Variants in NPEPPS observed in about 807,000 individuals in gnomAD.
The protein encoded by NPEPPS is puromycin-sensitive aminopeptidase.
A neutral mutation model predicts 115.5 loss-of-function variants in NPEPPS; 14 were observed. That is an observed-to-expected ratio of 0.12 (90% confidence interval 0.08 to 0.19). The LOEUF is 0.19. Among genes scored for constraint, NPEPPS ranks in the 10% least tolerant of loss-of-function variants. NPEPPS has a pLI of 1.00. For missense variants in NPEPPS, 523 were observed against 1,110.8 expected, an observed-to-expected ratio of 0.47 and a Z score of 7.52; for synonymous variants, 285 against 390.6, an observed-to-expected ratio of 0.73 and a Z score of 3.19.
intron 2 of NPEPPS, among the ~76,000 whole-genome samples, chr17:47,563,977 A>G: frequency 6.6e-6 from 1 of 151,934 alleles, no homozygotes; most frequent in Middle Eastern, 3.2e-3. Context: ...TCTGTTGCCC[A>G]GACTGAGTGC....
chr17:47,571,554 TAA>T (rs1911194592), intron 3 of NPEPPS, among the ~76,000 whole-genome samples: 1 of 151,954 alleles, frequency 6.6e-6, no homozygotes, highest in Non-Finnish European at 1.5e-5. Context: ...CTGTCTCTAC[TAA>T]AAATACAAAA....
chr17:47,582,972 ATTAG>A (rs1476394161), intron 5 of NPEPPS, 123 bp downstream of exon 5: 1 of 507,092 alleles, frequency 2.0e-6, no homozygotes. Context: ...GAACATAAAT[ATTAG>A]TTTTCTTTAT....
intron 1 of NPEPPS, among the ~76,000 whole-genome samples, chr17:47,538,202 C>CTTTTTTTTTTTTTTTTTTTTTTTTTT (rs543559258): frequency 6.8e-5 from 4 of 58,498 alleles, no homozygotes; most frequent in Admixed American, 2.6e-4. Context: ...CATATCTGTT[C>CTTTTTTTTTTTTTTTTTTTTTTTTTT]TTTTTTTTTT....
In NPEPPS at chr17:47,604,065, T is replaced by A. The variant is rs112679866; in HGVS notation, c.1875+16T>A. ...CTTCTCCTTGGTGAGCATCTGTGAC[T>A]TAAGTAATATGATGGATTTTGCTGA... On this transcript the variant is annotated intron_variant, in intron 16 of 22. Coordinates refer to ENST00000322157, the MANE Select transcript of NPEPPS (RefSeq NM_006310.4). 9 of 1,598,750 alleles carry A rather than the reference T, an allele frequency of 5.6e-6. No homozygotes were observed. In the African/African-American group the frequency reaches 9.4e-5, roughly 17 times the overall value.
At chr17:47,571,139 C>T (rs1911167222) in intron 3 of NPEPPS, among the ~76,000 whole-genome samples, 1 of 151,774 alleles carries the variant, frequency 6.6e-6, no homozygotes, top group African/African-American at 2.4e-5. Flanking sequence ...AATTCTTCAC[C>T]CTGTAAAGTG....
At chr17:47,620,021 T>C in intron 22 of NPEPPS, 1 of 391,240 alleles carries the variant, frequency 2.6e-6, no homozygotes, top group Non-Finnish European at 4.7e-6. Context: ...TCACCTGAGG[T>C]CAGGACTTCA....
At chr17:47,578,411 C>T (rs1407247947) in intron 3 of NPEPPS, among the ~76,000 whole-genome samples, 2 of 151,864 alleles carry the variant, frequency 1.3e-5, no homozygotes, top group Non-Finnish European at 2.9e-5. Flanking sequence ...AAATGGTCAA[C>T]TAAAAAGTCA....
At chr17:47,582,349 G>T (rs1221947165) in intron 4 of NPEPPS, 6 of 214,272 alleles carry the variant, frequency 2.8e-5, no homozygotes, top group Non-Finnish European at 5.7e-5. Context: ...AAAAATAAAA[G>T]CCAGAGAGGC....
chr17:47,601,301 A>G (rs1042022900), intron 14 of NPEPPS, among the ~76,000 whole-genome samples: 2 of 152,062 alleles, frequency 1.3e-5, no homozygotes, highest in African/African-American at 4.8e-5. Context: ...TTACTTTAAC[A>G]GTAAAATTGC....
rs372808255 is a variant in NPEPPS at position 47,569,424 on chromosome 17, T to C, written c.348T>C (p.His116=). 1.1e-4 allele frequency: 162 copies of C among 1,539,864 alleles called. No homozygotes were observed. The African/African-American group carries it at 1.9e-3, about 18-fold the overall frequency. The part of the protein sequence containing the change: ...SYAPEGDEEI[H]ATGFNYQNED... ...TTTTTTTTCTCATTCCAGAAATACA[T>C]GCTACAGGATTTAACTATCAGAATG... The change falls in exon 3 of 23, where the codon CAT becomes CAC. Residue 116 remains histidine (H), a synonymous_variant. Coordinates refer to ENST00000322157, the MANE Select transcript of NPEPPS (RefSeq NM_006310.4).
chr17:47,604,591 T>G, intron 16 of NPEPPS, among the ~76,000 whole-genome samples: 1 of 152,232 alleles, frequency 6.6e-6, no homozygotes, highest in East Asian at 1.9e-4. Flanking sequence ...ATGATAAAAT[T>G]GTCATATTCC....
intron 1 of NPEPPS, among the ~76,000 whole-genome samples, chr17:47,532,235 C>T (rs992657606): frequency 1.1e-4 from 16 of 152,162 alleles, no homozygotes; most frequent in Non-Finnish European, 1.8e-4. Flanking sequence ...ACTTTGTTCT[C>T]TCTTAACCTC....
chr17:47,606,193 G>A (rs1218973414), intron 17 of NPEPPS, among the ~76,000 whole-genome samples: 1 of 152,036 alleles, frequency 6.6e-6, no homozygotes, highest in Non-Finnish European at 1.5e-5. Context: ...ACTTGTAAAG[G>A]TGCTGAGAGA....
At chr17:47,607,875 C>T (rs898272691) in intron 17 of NPEPPS, among the ~76,000 whole-genome samples, 1 of 152,136 alleles carries the variant, frequency 6.6e-6, no homozygotes, top group African/African-American at 2.4e-5. Flanking sequence ...TACAGAGTCT[C>T]GCTCTGTTGC....
chr17:47,524,781 G>A (rs945505894), intron 1 of NPEPPS, among the ~76,000 whole-genome samples: 2 of 151,492 alleles, frequency 1.3e-5, no homozygotes, highest in Non-Finnish European at 2.9e-5. Flanking sequence ...TGGGATTACA[G>A]GCGTGAGCCA....
intron 2 of NPEPPS, among the ~76,000 whole-genome samples, chr17:47,547,684 A>G (rs1367629748): frequency 2.6e-5 from 4 of 151,980 alleles, no homozygotes; most frequent in Non-Finnish European, 5.9e-5. Flanking sequence ...TTTCACCTAG[A>G]CATTCCTTGT....
At chr17:47,576,065 A>G (rs1459317968) in intron 3 of NPEPPS, among the ~76,000 whole-genome samples, 2 of 152,194 alleles carry the variant, frequency 1.3e-5, no homozygotes, top group Admixed American at 6.5e-5. Flanking sequence ...GAGGACATTA[A>G]TAATCTTTGT....
intron 19 of NPEPPS, among the ~76,000 whole-genome samples, chr17:47,615,202 C>A (rs1225081798): frequency 6.6e-6 from 1 of 151,558 alleles, no homozygotes; most frequent in Non-Finnish European, 1.5e-5. Flanking sequence ...CTCAGCCTCC[C>A]AAGTAGCTGG....
intron 2 of NPEPPS, among the ~76,000 whole-genome samples, chr17:47,546,297 G>T (rs186043643): frequency 6.6e-6 from 1 of 152,084 alleles, no homozygotes; most frequent in African/African-American, 2.4e-5. Flanking sequence ...ATAGTGGTGC[G>T]TGCCTGTAGT....
Sources: gnomAD v4.1 joint callset for allele counts (sites outside exome capture counted in the v4.1 genomes callset) on GRCh38, gnomAD v4.1.1 for gene constraint, MANE v1.5 for transcripts, NCBI Gene and HGNC (gene_info 2026-07-23, HGNC 2026-07-21) for gene names.